RBM6: variants seen among roughly 807,000 people sequenced by gnomAD.
The protein encoded by RBM6 is RNA-binding protein 6.
Under a neutral mutation model 140.4 loss-of-function variants are expected in RBM6, and 23 were observed. The observed-to-expected ratio is 0.16, with a 90% CI of 0.12 to 0.23. The LOEUF is 0.23. Ranked by LOEUF, RBM6 falls within the 10% of genes least tolerant of loss-of-function variation. The pLI is 1.00. For missense variants in RBM6, 1,139 were observed against 1,386.7 expected (o/e 0.82, Z 2.84); for synonymous variants, 439 against 475.6 (o/e 0.92, Z 1.00).
intron 6 of RBM6, among the ~76,000 whole-genome samples, chr3:50,039,556 A>C (rs1174122339): frequency 6.6e-6 from 1 of 150,620 alleles, no homozygotes; most frequent in Non-Finnish European, 1.5e-5. Flanking sequence ...CAGCATACGG[A>C]AATAAATTAT....
intron 7 of RBM6, among the ~76,000 whole-genome samples, chr3:50,048,770 T>C (rs2089332313): frequency 6.6e-6 from 1 of 152,138 alleles, no homozygotes; most frequent in South Asian, 2.1e-4. Context: ...TTAAACTCCA[T>C]ATTCTCTTAG....
chr3:50,060,391 A>ATCTTGC (rs2089886871), intron 11 of RBM6, among the ~76,000 whole-genome samples: 1 of 152,072 alleles, frequency 6.6e-6, no homozygotes, highest in Non-Finnish European at 1.5e-5. Context: ...TATGGGGCAT[A>ATCTTGC]TCTTGCTCTA....
chr3:50,065,179 G>C lies in RBM6; in HGVS notation c.2682+53G>C. 5 of 1,412,648 alleles carry C rather than the reference G, an allele frequency of 3.5e-6. No homozygotes were observed. The South Asian group carries it at 6.2e-5, about 17-fold the overall frequency. 87.5% of individuals were successfully genotyped at this position (1,412,648 alleles called of 1,614,324 possible). On this transcript the variant is annotated intron_variant, in intron 16 of 20. Coordinates refer to ENST00000266022, the MANE Select transcript of RBM6 (RefSeq NM_005777.3). ...TAGGGCTGGGGCTGGGGATGGTTCCGAGTAGAAGAGGAAGCGCAAAGGCTG... is the reference window on the plus strand; with the variant it reads ...TAGGGCTGGGGCTGGGGATGGTTCCCAGTAGAAGAGGAAGCGCAAAGGCTG...
chr3:50,054,250 C>A, intron 7 of RBM6, 85 bp from the exon 8 acceptor site: 2 of 1,098,168 alleles, frequency 1.8e-6, no homozygotes, highest in Non-Finnish European at 2.7e-6. Flanking sequence ...TTGTTTCTTT[C>A]ATTTTTGGGG....
At chr3:50,074,984 C>T (rs979730172) in intron 19 of RBM6, among the ~76,000 whole-genome samples, 11 of 150,196 alleles carry the variant, frequency 7.3e-5, no homozygotes, top group Admixed American at 4.6e-4. Flanking sequence ...TCTGTCTCTA[C>T]TGAAAAAAAA....
chr3:50,054,078 A>T (rs2089600783), intron 7 of RBM6: 3 of 397,774 alleles, frequency 7.5e-6, no homozygotes, highest in Admixed American at 4.1e-5. Context: ...TTCCTATAGG[A>T]ATCTTTATCC....
intron 10 of RBM6, 141 bp from the exon 11 acceptor site, chr3:50,059,508 A>T: frequency 1.6e-6 from 1 of 628,256 alleles, no homozygotes; most frequent in Non-Finnish European, 2.7e-6. Flanking sequence ...TCTTACTGTT[A>T]AAATTTTGAC....
chr3:49,990,513 G>T lies in RBM6; in HGVS notation c.1484-8927G>T, dbSNP rs181715285. ...TCAAAATGTAGTTAAGCAGCACATG[G>T]CTGTAATTAAAACACTATTGTTTGT... On this transcript the variant is annotated intron_variant, in intron 5 of 20. Coordinates refer to ENST00000266022, the MANE Select transcript of RBM6 (RefSeq NM_005777.3). 1.2e-4 allele frequency among the ~76,000 whole-genome samples: 18 copies of T among 152,296 alleles called. No homozygotes were observed. In the South Asian group the frequency reaches 2.1e-3, roughly 18 times the overall value.
intron 5 of RBM6, among the ~76,000 whole-genome samples, chr3:49,990,952 G>A (rs4688758): frequency 0.51 from 77,405 of 151,902 alleles, 20,835 homozygotes; most frequent in African/African-American, 0.64. Flanking sequence ...TTCAGACTCC[G>A]CAGGTTGAAG....
At chr3:50,060,464 T>C (rs953471229) in intron 11 of RBM6, among the ~76,000 whole-genome samples, 1 of 151,932 alleles carries the variant, frequency 6.6e-6, no homozygotes, top group African/African-American at 2.4e-5. Flanking sequence ...TTACTGCTCA[T>C]TGGGCAGGCG....
intron 5 of RBM6, among the ~76,000 whole-genome samples, chr3:49,985,188 A>G (rs2085502294): frequency 6.6e-6 from 1 of 152,224 alleles, no homozygotes; most frequent in African/African-American, 2.4e-5. Context: ...CAGTGACAAG[A>G]AGAAAAGGGC....
chr3:50,024,672 G>T (rs1305835879), intron 6 of RBM6, among the ~76,000 whole-genome samples: 2 of 152,172 alleles, frequency 1.3e-5, no homozygotes, highest in Admixed American at 1.3e-4. Flanking sequence ...AACAGTTTTT[G>T]GCCGGGCACG....
intron 5 of RBM6, among the ~76,000 whole-genome samples, chr3:49,978,801 T>C (rs549778664): frequency 2.1e-4 from 32 of 152,320 alleles, no homozygotes; most frequent in African/African-American, 6.7e-4. Flanking sequence ...TTTGGAATTG[T>C]AGATAAGAGA....
At chr3:49,993,361 T>A (rs1340868221) in intron 5 of RBM6, among the ~76,000 whole-genome samples, 1 of 152,086 alleles carries the variant, frequency 6.6e-6, no homozygotes, top group African/African-American at 2.4e-5. Flanking sequence ...TTTTTGAAAA[T>A]TTAGGTCAGG....
At chr3:49,974,122 C>T (rs1018323205) in intron 4 of RBM6, among the ~76,000 whole-genome samples, 2 of 151,996 alleles carry the variant, frequency 1.3e-5, no homozygotes, top group East Asian at 1.9e-4. Context: ...TGGTCTCGAT[C>T]CCCTGACGTC....
At chr3:50,074,943 T>C (rs991034672) in intron 19 of RBM6, among the ~76,000 whole-genome samples, 2 of 150,918 alleles carry the variant, frequency 1.3e-5, no homozygotes, top group Non-Finnish European at 1.5e-5. Flanking sequence ...AGGTCAGGAG[T>C]TTGAGAGCAG....
intron 2 of RBM6, among the ~76,000 whole-genome samples, chr3:49,965,348 A>C (rs1000840599): frequency 2.0e-5 from 3 of 152,206 alleles, no homozygotes; most frequent in African/African-American, 7.2e-5. Context: ...GTAACATCTT[A>C]ATTTTAGTGT....
At chr3:50,036,279 A>G (rs999425772) in intron 6 of RBM6, among the ~76,000 whole-genome samples, 3 of 152,222 alleles carry the variant, frequency 2.0e-5, no homozygotes, top group African/African-American at 7.2e-5. Context: ...GTATGTCTTA[A>G]CGTCTGATGG....
chr3:50,021,276 A>T (rs1196498054), intron 6 of RBM6, among the ~76,000 whole-genome samples: 1 of 152,206 alleles, frequency 6.6e-6, no homozygotes, highest in Non-Finnish European at 1.5e-5. Flanking sequence ...TCTGTAGGAT[A>T]GGAGAGTCTT....
Sources: allele counts gnomAD v4.1 joint callset (sites outside exome capture counted in the v4.1 genomes callset), GRCh38; gene constraint gnomAD v4.1.1; transcripts MANE v1.5; gene names NCBI Gene and HGNC (gene_info 2026-07-23, HGNC 2026-07-21).